The following CCDC30 variants were observed in gnomAD, a reference collection of about 807,000 sequenced individuals.
CCDC30 encodes coiled-coil domain containing 30.
CCDC30 carries 70 observed loss-of-function variants against 100.2 expected under a neutral mutation model. The observed-to-expected ratio is 0.70, with a 90% confidence interval of 0.58 to 0.85. CCDC30 has a LOEUF of 0.85. Among genes scored for constraint, CCDC30 ranks in the 40% least tolerant of loss-of-function variants. CCDC30 has a pLI of 0.00. For missense variants in CCDC30, 652 were observed against 771.2 expected (o/e 0.85, Z 1.83); for synonymous variants, 233 against 269.5 (o/e 0.86, Z 1.33).
chr1:42,610,884 C>CT (rs34595968), intron 10 of CCDC30, 94 bp from the exon 15 acceptor site: 6,130 of 486,158 alleles, frequency 0.013, 88 homozygotes, highest in African/African-American at 0.065. Flanking sequence ...TGACTATAAG[C>CT]TTTTTTTTTT....
intron 6 of CCDC30, among the ~76,000 whole-genome samples, chr1:42,509,398 T>C (rs1258457640): frequency 2.0e-5 from 3 of 152,158 alleles, no homozygotes; most frequent in African/African-American, 7.2e-5. Flanking sequence ...TCAAGGTCAG[T>C]GCTTAAGATA....
At chr1:42,619,225 A>G (rs1350303056) in intron 11 of CCDC30, among the ~76,000 whole-genome samples, 1 of 152,182 alleles carries the variant, frequency 6.6e-6, no homozygotes, top group Non-Finnish European at 1.5e-5. Flanking sequence ...GGCTAAATTA[A>G]TCTCTTCAGG....
chr1:42,526,230 C>T (rs1467960466), intron 6 of CCDC30, among the ~76,000 whole-genome samples: 1 of 152,168 alleles, frequency 6.6e-6, no homozygotes, highest in Non-Finnish European at 1.5e-5. Context: ...AGTAAAGTCC[C>T]CCAATGTCTC....
chr1:42,506,085 A>G lies in CCDC30; in HGVS notation c.456+7169A>G, dbSNP rs116830882. On this transcript the variant is annotated intron_variant, in intron 6 of 16. Transcript: ENST00000668663. ...GCAATGAGAAAGAAGTATGCCTTAA[A>G]TTTTATTCACAAGAGTATACCTTAC... is the stretch of plus-strand genomic sequence containing the variant. 2.4e-3 allele frequency among the ~76,000 whole-genome samples: 362 copies of G among 152,376 alleles called. 3 individuals carry two copies. Among genetic ancestry groups the G allele is most frequent in the African/African-American group, 8.2e-3 (339 of 41,586 alleles).
At chr1:42,620,047 A>G (rs1393101298) in intron 11 of CCDC30, among the ~76,000 whole-genome samples, 2 of 152,200 alleles carry the variant, frequency 1.3e-5, no homozygotes, top group Non-Finnish European at 2.9e-5. Flanking sequence ...AGTATATCTC[A>G]TCAGGAGAAA....
intron 1 of CCDC30, among the ~76,000 whole-genome samples, chr1:42,472,711 T>TA (rs1188243388): frequency 6.6e-6 from 1 of 152,144 alleles, no homozygotes; most frequent in African/African-American, 2.4e-5. Context: ...TTTTAGAAGA[T>TA]ACACAGTTGT....
the CCDC30 span, chr1:42,456,119 G>C: frequency 1.4e-6 from 1 of 734,414 alleles, no homozygotes. Context: ...AGGGCGGCGG[G>C]ACGTGACTCG....
chr1:42,631,514 G>A lies in CCDC30; in HGVS notation c.1278-5723G>A, dbSNP rs149056665. On this transcript the variant is annotated intron_variant, in intron 11 of 16. Coordinates refer to ENST00000668663, the Ensembl canonical transcript of CCDC30. ...ATGACCACTCAAGTCCCTGGGCTCC[G>A]CAATCAGCAGATGCAAAGCCAGCAA... Among the ~76,000 whole-genome samples the A allele has an allele frequency of 7.5e-3, 1,139 of 152,258 alleles. 5 individuals are homozygous for A. The highest frequency in any genetic ancestry group is 0.011 in the Non-Finnish European group (726 of 68,018).
At chr1:42,589,429 G>A in exon 10 of CCDC30, 2 of 1,613,930 alleles carry the variant, frequency 1.2e-6, no homozygotes, top group South Asian at 2.2e-5. Context: ...CCAGAATTCA[G>A]CAACAAGAGG....
Position 42,484,620 on chromosome 1 carries a change from C to T in CCDC30, c.169+1804C>T, listed in dbSNP as rs540229534. Among the ~76,000 whole-genome samples the T allele has an allele frequency of 8.6e-4, 131 of 152,256 alleles. 2 individuals carry two copies. The highest frequency in any genetic ancestry group is 3.1e-3 in the African/African-American group (128 of 41,542). On this transcript the variant is annotated intron_variant, in intron 3 of 16. Coordinates refer to ENST00000668663, the Ensembl canonical transcript of CCDC30. ...ATGTTGTGTGCAGTATCAGTGTGTG[C>T]GCCATCTGTAACTTCCTGAGTCATC...
chr1:42,645,282 G>C (rs575117528), intron 14 of CCDC30, among the ~76,000 whole-genome samples: 1 of 151,972 alleles, frequency 6.6e-6, no homozygotes, highest in African/African-American at 2.4e-5. Flanking sequence ...TAAAACATGA[G>C]CAAATCTGAG....
chr1:42,629,271 T>A (rs1439253158), intron 11 of CCDC30, among the ~76,000 whole-genome samples: 1 of 152,222 alleles, frequency 6.6e-6, no homozygotes, highest in African/African-American at 2.4e-5. Flanking sequence ...TTCCCCTTCA[T>A]GCTTGAAGGA....
chr1:42,474,672 C>CA (rs1643863417), intron 1 of CCDC30, among the ~76,000 whole-genome samples: 1 of 152,202 alleles, frequency 6.6e-6, no homozygotes, highest in African/African-American at 2.4e-5. Flanking sequence ...TTCTACCCAT[C>CA]AGAGTATGAA....
chr1:42,577,302 T>C (rs1461845187), intron 8 of CCDC30, 73 bp downstream of exon 12: 1 of 1,010,680 alleles, frequency 9.9e-7, no homozygotes, highest in Admixed American at 2.4e-5. Context: ...CTGAGGATTT[T>C]AAGAAATAAA....
chr1:42,583,930 A>G (rs1437632239), intron 9 of CCDC30, among the ~76,000 whole-genome samples: 1 of 152,204 alleles, frequency 6.6e-6, no homozygotes, highest in Non-Finnish European at 1.5e-5. Context: ...AAGTGTAGGT[A>G]TCCTACAGGA....
chr1:42,495,568 G>A (rs941683430), intron 4 of CCDC30, among the ~76,000 whole-genome samples: 1 of 151,544 alleles, frequency 6.6e-6, no homozygotes, highest in South Asian at 2.1e-4. Flanking sequence ...GGTGGCCTAT[G>A]CCTGTAGTCC....
chr1:42,640,256 A>G (rs958067412), intron 12 of CCDC30, among the ~76,000 whole-genome samples: 1 of 152,118 alleles, frequency 6.6e-6, no homozygotes, highest in Non-Finnish European at 1.5e-5. Flanking sequence ...GTCAATTGAG[A>G]CTTCTGTTGT....
intron 12 of CCDC30, among the ~76,000 whole-genome samples, chr1:42,640,533 G>A (rs1290670470): frequency 2.0e-5 from 3 of 152,140 alleles, no homozygotes; most frequent in Non-Finnish European, 2.9e-5. Flanking sequence ...GGGTCCCTGA[G>A]ATGGACTTTA....
In CCDC30 at chr1:42,548,130, G is replaced by A. The variant is rs115086067; in HGVS notation, c.457-18166G>A. Among the ~76,000 whole-genome samples, 865 of 152,286 alleles carry A rather than the reference G, an allele frequency of 5.7e-3. 2 individuals carry two copies. The highest frequency in any genetic ancestry group is 0.018 in the Admixed American group (283 of 15,298). On this transcript the variant is annotated intron_variant, in intron 6 of 16. Transcript: ENST00000668663. ...ATGGAGTGTGAAGAGAGGAAATGGG[G>A]AACAGGATGATGAGAATGAAGAGGC...
Sources: gnomAD v4.1 joint callset for allele counts (sites outside exome capture counted in the v4.1 genomes callset) on GRCh38, gnomAD v4.1.1 for gene constraint, MANE v1.5 for transcripts, NCBI Gene and HGNC (gene_info 2026-07-23, HGNC 2026-07-21) for gene names.